Variants in REDIC1 observed in about 807,000 individuals in gnomAD.
The protein encoded by REDIC1 is HEI10 Interacting Protein 1.
chr12:39,855,909 C>G, the REDIC1 span, among the ~76,000 whole-genome samples: 1 of 152,132 alleles, frequency 6.6e-6, no homozygotes, highest in African/African-American at 2.4e-5. Context: ...TAGCACCACA[C>G]AACAATCTAA....
the REDIC1 span, among the ~76,000 whole-genome samples, chr12:39,714,299 A>G: frequency 1.3e-5 from 2 of 149,284 alleles, no homozygotes; most frequent in African/African-American, 2.4e-5. Context: ...ATGCATGCAT[A>G]TATGTATATA....
At chr12:39,633,977 G>A in the REDIC1 span, among the ~76,000 whole-genome samples, 27 of 152,202 alleles carry the variant, frequency 1.8e-4, no homozygotes, top group African/African-American at 6.0e-4. Flanking sequence ...GAAAGTCGGC[G>A]GTAGCTTGAG....
the REDIC1 span, among the ~76,000 whole-genome samples, chr12:39,712,582 T>TATATACGTATATACGTATATAC: frequency 1.4e-5 from 2 of 143,472 alleles, no homozygotes; most frequent in Admixed American, 7.2e-5. Context: ...TACGTATATA[T>TATATACGTATATACGTATATAC]GTATATACGT....
chr12:39,797,699 G>T, the REDIC1 span, among the ~76,000 whole-genome samples: 1 of 147,042 alleles, frequency 6.8e-6, no homozygotes, highest in African/African-American at 2.5e-5. Context: ...AAAAGCTAAT[G>T]GATACATGTT....
chr12:39,665,232 C>A, the REDIC1 span, among the ~76,000 whole-genome samples: 8 of 152,112 alleles, frequency 5.3e-5, no homozygotes, highest in African/African-American at 1.9e-4. Flanking sequence ...TTTAATCCAT[C>A]TTGAATTAGT....
chr12:39,858,316 G>A, the REDIC1 span, among the ~76,000 whole-genome samples: 1 of 152,012 alleles, frequency 6.6e-6, no homozygotes. Flanking sequence ...TCTCCAATGG[G>A]TCTGTAGATA....
chr12:39,819,044 T>C, the REDIC1 span, among the ~76,000 whole-genome samples: 3 of 152,130 alleles, frequency 2.0e-5, no homozygotes, highest in Non-Finnish European at 4.4e-5. Context: ...GACAACCGCT[T>C]GCACCCCACA....
At chr12:39,680,980 T>A in the REDIC1 span, among the ~76,000 whole-genome samples, 1 of 152,156 alleles carries the variant, frequency 6.6e-6, no homozygotes, top group Non-Finnish European at 1.5e-5. Context: ...GGCATAAGAT[T>A]GATATAATGG....
the REDIC1 span, among the ~76,000 whole-genome samples, chr12:39,747,782 T>G: frequency 4.6e-5 from 7 of 152,280 alleles, no homozygotes; most frequent in East Asian, 1.9e-4. Flanking sequence ...TCAACATTCT[T>G]AAAGAAAAGA....
chr12:39,694,911 G>A, the REDIC1 span, among the ~76,000 whole-genome samples: 4 of 152,242 alleles, frequency 2.6e-5, no homozygotes, highest in South Asian at 6.2e-4. Flanking sequence ...TACCAGATTA[G>A]CCACAGTAAG....
chr12:39,861,891 T>C, the REDIC1 span, among the ~76,000 whole-genome samples: 2 of 152,198 alleles, frequency 1.3e-5, no homozygotes, highest in African/African-American at 4.8e-5. Flanking sequence ...AATTTTAAGT[T>C]CCAGGATACA....
the REDIC1 span, among the ~76,000 whole-genome samples, chr12:39,699,719 G>T: frequency 6.6e-6 from 1 of 152,166 alleles, no homozygotes; most frequent in South Asian, 2.1e-4. Context: ...GAGAGCAGTG[G>T]TTCTCCCAGC....
the REDIC1 span, among the ~76,000 whole-genome samples, chr12:39,700,178 T>C: frequency 6.6e-6 from 1 of 151,634 alleles, no homozygotes; most frequent in Admixed American, 6.6e-5. Flanking sequence ...GGCAAAGAAG[T>C]TGAAAACTTT....
At chr12:39,679,889 G>A in the REDIC1 span, among the ~76,000 whole-genome samples, 387 of 152,182 alleles carry the variant, frequency 2.5e-3, 1 homozygote, top group African/African-American at 8.5e-3. Context: ...CATAAAGTGG[G>A]GAAAGAATAC....
the REDIC1 span, among the ~76,000 whole-genome samples, chr12:39,787,885 T>C: frequency 1.3e-5 from 2 of 152,174 alleles, no homozygotes; most frequent in Non-Finnish European, 2.9e-5. Context: ...GAATCCATCA[T>C]GTAAAGAGTG....
the REDIC1 span, among the ~76,000 whole-genome samples, chr12:39,715,621 C>T: frequency 1.7e-3 from 252 of 152,052 alleles, 3 homozygotes; most frequent in African/African-American, 5.8e-3. Flanking sequence ...ATAGCCAAAG[C>T]AAGACTAAGC....
At chr12:39,760,131 A>T in the REDIC1 span, 1 of 1,613,048 alleles carries the variant, frequency 6.2e-7, no homozygotes, top group Non-Finnish European at 8.5e-7. Context: ...TGCCACATGT[A>T]CATAGCCTGT....
chr12:39,753,639 T>TTAGGA, the REDIC1 span, among the ~76,000 whole-genome samples: 90 of 152,294 alleles, frequency 5.9e-4, no homozygotes, highest in Admixed American at 1.3e-3. Context: ...GTAGTTGTTC[T>TTAGGA]CAGGAAAGGA....
chr12:39,747,023 C>T, the REDIC1 span, among the ~76,000 whole-genome samples: 2 of 152,186 alleles, frequency 1.3e-5, no homozygotes, highest in Non-Finnish European at 2.9e-5. Flanking sequence ...GAGCACCTCT[C>T]CCCCTCCAAA....
Sources: allele counts gnomAD v4.1 joint callset (sites outside exome capture counted in the v4.1 genomes callset), GRCh38; gene constraint gnomAD v4.1.1; transcripts MANE v1.5; gene names NCBI Gene and HGNC (gene_info 2026-07-23, HGNC 2026-07-21).